The following LDB2 variants were observed in gnomAD, a reference collection of about 807,000 sequenced individuals.
The protein encoded by LDB2 is LIM domain-binding protein 2.
In LDB2, 12 loss-of-function variants were observed where a neutral mutation model predicts 44.3. That is an observed-to-expected ratio of 0.27 (90% CI 0.17 to 0.44). The LOEUF (loss-of-function observed/expected upper bound fraction) is 0.44. LDB2 is among the 20% of genes least tolerant of loss of function. The pLI, the probability that LDB2 is intolerant of heterozygous loss-of-function variation, is 1.00. For missense variants in LDB2, 344 were observed against 473.5 expected, an observed-to-expected ratio of 0.73 and a Z score of 2.54; for synonymous variants, 164 against 174.8, an observed-to-expected ratio of 0.94 and a Z score of 0.49.
At chr4:16,509,873 T>G (rs74631547) in intron 6 of LDB2, among the ~76,000 whole-genome samples, 3,662 of 152,252 alleles carry the variant, frequency 0.024, 150 homozygotes, top group African/African-American at 0.081. Context: ...CCTAGCATTT[T>G]GGGAGGACGA....
At chr4:16,550,913 C>A (rs1185576896) in intron 5 of LDB2, among the ~76,000 whole-genome samples, 1 of 152,080 alleles carries the variant, frequency 6.6e-6, no homozygotes, top group African/African-American at 2.4e-5. Flanking sequence ...TAATACAACT[C>A]CTTGCTGTAC....
At chr4:16,707,773 A>C (rs1754933623) in intron 2 of LDB2, among the ~76,000 whole-genome samples, 1 of 152,194 alleles carries the variant, frequency 6.6e-6, no homozygotes, top group African/African-American at 2.4e-5. Flanking sequence ...AGCTCAAAAA[A>C]GAAATGCTTA....
At chr4:16,700,981 G>A (rs571791768) in intron 2 of LDB2, among the ~76,000 whole-genome samples, 1 of 152,202 alleles carries the variant, frequency 6.6e-6, no homozygotes, top group South Asian at 2.1e-4. Context: ...GAACTCATTT[G>A]TTACTCAAAG....
chr4:16,747,220 A>G (rs538351768), intron 2 of LDB2, among the ~76,000 whole-genome samples: 40 of 152,316 alleles, frequency 2.6e-4, no homozygotes, highest in South Asian at 1.0e-3. Flanking sequence ...AGTGAAAAAT[A>G]GCTGCTGCAC....
chr4:16,878,800 A>T (rs28728417), intron 1 of LDB2, among the ~76,000 whole-genome samples: 10,918 of 152,178 alleles, frequency 0.072, 902 homozygotes, highest in African/African-American at 0.21. Context: ...TCGCATGTCC[A>T]ATTTTTCTAG....
At chr4:16,561,503 A>C (rs576959162) in intron 5 of LDB2, among the ~76,000 whole-genome samples, 3 of 152,276 alleles carry the variant, frequency 2.0e-5, no homozygotes, top group African/African-American at 7.2e-5. Context: ...TAGGAATCCA[A>C]CTTACAAGGG....
intron 5 of LDB2, among the ~76,000 whole-genome samples, chr4:16,541,584 C>G (rs1733793474): frequency 1.3e-5 from 2 of 152,210 alleles, no homozygotes; most frequent in Admixed American, 6.5e-5. Flanking sequence ...GTCTGTGTCT[C>G]CCTGCCTGGG....
chr4:16,675,142 A>G (rs949272962), intron 2 of LDB2, among the ~76,000 whole-genome samples: 1 of 152,202 alleles, frequency 6.6e-6, no homozygotes, highest in Non-Finnish European at 1.5e-5. Context: ...AATGGTGCAG[A>G]AGGGTCTCAA....
chr4:16,868,672 C>A (rs1318004318), intron 1 of LDB2, among the ~76,000 whole-genome samples: 1 of 152,240 alleles, frequency 6.6e-6, no homozygotes, highest in Non-Finnish European at 1.5e-5. Context: ...GTGATTGCAA[C>A]CATGCAGAGT....
intron 3 of LDB2, among the ~76,000 whole-genome samples, chr4:16,594,914 TA>T (rs1202086727): frequency 1.3e-5 from 2 of 152,228 alleles, no homozygotes; most frequent in African/African-American, 4.8e-5. Flanking sequence ...ATTCTGTGAT[TA>T]AATATTTGTT....
intron 1 of LDB2, among the ~76,000 whole-genome samples, chr4:16,840,994 G>A (rs1243862686): frequency 1.3e-5 from 2 of 152,156 alleles, no homozygotes; most frequent in African/African-American, 4.8e-5. Flanking sequence ...CTTGGTTGCA[G>A]CAGTGTTTCC....
At chr4:16,507,959 G>C (rs1367672417) in intron 7 of LDB2, among the ~76,000 whole-genome samples, 2 of 152,108 alleles carry the variant, frequency 1.3e-5, no homozygotes, top group African/African-American at 4.8e-5. Context: ...GAAAGAAAGG[G>C]GCCAAGGGTT....
At chr4:16,680,521 T>G (rs372033025) in intron 2 of LDB2, among the ~76,000 whole-genome samples, 89 of 152,306 alleles carry the variant, frequency 5.8e-4, no homozygotes, top group African/African-American at 1.9e-3. Context: ...ACTGAGGACT[T>G]ACTTATCTCA....
intron 1 of LDB2, among the ~76,000 whole-genome samples, chr4:16,776,091 C>T (rs1455758244): frequency 9.2e-5 from 14 of 152,236 alleles, no homozygotes; most frequent in African/African-American, 3.4e-4. Flanking sequence ...CGCTTTCCCC[C>T]TTCCATCTCC....
At chr4:16,794,966 T>A (rs577041477) in intron 1 of LDB2, among the ~76,000 whole-genome samples, 1 of 152,286 alleles carries the variant, frequency 6.6e-6, no homozygotes, top group East Asian at 1.9e-4. Context: ...AATTAAACAG[T>A]GAGCGAAAAT....
At chr4:16,569,668 ATCCATCCATCCG>A (rs1011772934) in intron 5 of LDB2, among the ~76,000 whole-genome samples, 1 of 152,076 alleles carries the variant, frequency 6.6e-6, no homozygotes, top group Non-Finnish European at 1.5e-5. Context: ...CCCTCCATCC[ATCCATCCATCCG>A]TCCATCCATC....
At chr4:16,568,419 T>C (rs1577822775) in intron 5 of LDB2, among the ~76,000 whole-genome samples, 1 of 152,218 alleles carries the variant, frequency 6.6e-6, no homozygotes, top group African/African-American at 2.4e-5. Flanking sequence ...TGAGGGTAAG[T>C]GAGGGATGTC....
At chr4:16,736,082 G>C (rs1001119989) in intron 2 of LDB2, among the ~76,000 whole-genome samples, 1 of 152,126 alleles carries the variant, frequency 6.6e-6, no homozygotes, top group Non-Finnish European at 1.5e-5. Flanking sequence ...AGCCCCGCCT[G>C]GTGCTTTTCC....
chr4:16,886,173 G>A (rs1210745292), intron 1 of LDB2, among the ~76,000 whole-genome samples: 1 of 151,798 alleles, frequency 6.6e-6, no homozygotes, highest in Non-Finnish European at 1.5e-5. Context: ...GAGTTCTGAT[G>A]GAGCCACCGC....
Sources: allele counts gnomAD v4.1 joint callset (sites outside exome capture counted in the v4.1 genomes callset), GRCh38; gene constraint gnomAD v4.1.1; transcripts MANE v1.5; gene names NCBI Gene and HGNC (gene_info 2026-07-23, HGNC 2026-07-21).